Variants in FGD4 observed in about 807,000 individuals in gnomAD.
The protein encoded by FGD4 is FYVE, RhoGEF and PH domain-containing protein 4.
A neutral mutation model predicts 102.0 loss-of-function variants in FGD4; 42 were observed. That is an observed-to-expected ratio of 0.41 (90% CI 0.32 to 0.53). The LOEUF (loss-of-function observed/expected upper bound fraction) is 0.53, where lower values mean the gene tolerates loss of function less well. Ranked by LOEUF, FGD4 falls within the 20% of genes least tolerant of loss-of-function variation. FGD4 has a pLI of 0.21. For synonymous variants in FGD4, 380 were observed against 375.7 expected (o/e 1.01, Z -0.13); for missense variants, 902 against 1,078.2 (o/e 0.84, Z 2.29).
chr12:32,418,356 T>C (rs1941502927), intron 1 of FGD4, among the ~76,000 whole-genome samples: 1 of 152,176 alleles, frequency 6.6e-6, no homozygotes, highest in Non-Finnish European at 1.5e-5. Context: ...AGGTATTTAT[T>C]GTAGTCTTCA....
intron 1 of FGD4, among the ~76,000 whole-genome samples, chr12:32,497,546 C>A (rs1360696109): frequency 6.6e-6 from 1 of 152,078 alleles, no homozygotes; most frequent in African/African-American, 2.4e-5. Context: ...TATGTTTGAT[C>A]CCCGATTAGG....
rs1949121910 is a variant in FGD4, at chr12:32,611,351, C to T, written c.1749+68C>T. 2.5e-6 allele frequency: 4 copies of T among 1,583,810 alleles called. No homozygotes were observed. In the African/African-American group the frequency reaches 5.4e-5, roughly 21 times the overall value. On this transcript the variant is annotated intron_variant, in intron 10 of 16. Transcript: ENST00000534526. ...AAAAATATGGCTGGGCACGGTGGCT[C>T]ATGCCTGTAATCCCAGCACTTTGGG...
At chr12:32,410,805 A>T (rs945920470) in intron 1 of FGD4, among the ~76,000 whole-genome samples, 4 of 152,070 alleles carry the variant, frequency 2.6e-5, no homozygotes, top group Non-Finnish European at 4.4e-5. Context: ...CAAAATGCCA[A>T]ATGTCCACCC....
intron 1 of FGD4, among the ~76,000 whole-genome samples, chr12:32,436,302 T>C (rs1286842764): frequency 6.6e-6 from 1 of 152,256 alleles, no homozygotes; most frequent in Non-Finnish European, 1.5e-5. Flanking sequence ...CAGCCTCCCC[T>C]GTTCCATTTA....
intron 1 of FGD4, among the ~76,000 whole-genome samples, chr12:32,471,001 T>G (rs1288844478): frequency 6.6e-6 from 1 of 152,198 alleles, no homozygotes; most frequent in Non-Finnish European, 1.5e-5. Flanking sequence ...ATATTTGTTA[T>G]TAATGGCTTA....
intron 1 of FGD4, among the ~76,000 whole-genome samples, chr12:32,488,635 T>C (rs1425094404): frequency 6.6e-6 from 1 of 152,160 alleles, no homozygotes; most frequent in Non-Finnish European, 1.5e-5. Context: ...ATCCCAGATA[T>C]ATGTTAATGT....
At chr12:32,577,751 C>CT (rs1315965431) in intron 3 of FGD4, among the ~76,000 whole-genome samples, 2 of 151,828 alleles carry the variant, frequency 1.3e-5, no homozygotes, top group South Asian at 2.1e-4. Flanking sequence ...CCATTTAAAA[C>CT]TTTTTTTTTG....
chr12:32,601,937 T>A (rs1174063303), intron 6 of FGD4, among the ~76,000 whole-genome samples: 1 of 151,916 alleles, frequency 6.6e-6, no homozygotes, highest in Admixed American at 6.6e-5. Context: ...TGACACACTA[T>A]CTCTACAAAA....
At chr12:32,526,648 A>G (rs1001066240) in intron 1 of FGD4, among the ~76,000 whole-genome samples, 7 of 152,186 alleles carry the variant, frequency 4.6e-5, no homozygotes, top group Admixed American at 2.0e-4. Flanking sequence ...CCCCTTCCAC[A>G]CTGTGGGAGC....
intron 1 of FGD4, among the ~76,000 whole-genome samples, chr12:32,405,833 A>G (rs371334256): frequency 1.3e-5 from 2 of 152,176 alleles, no homozygotes; most frequent in Admixed American, 6.5e-5. Context: ...CCAGAATTCA[A>G]TCAATAGTAC....
At chr12:32,580,296 G>C (rs551039640) in intron 3 of FGD4, among the ~76,000 whole-genome samples, 1 of 152,054 alleles carries the variant, frequency 6.6e-6, no homozygotes, top group East Asian at 1.9e-4. Context: ...ATTATTGTAA[G>C]GGGCTTCTTA....
chr12:32,402,756 T>G (rs546902592), intron 1 of FGD4, among the ~76,000 whole-genome samples: 1 of 123,628 alleles, frequency 8.1e-6, no homozygotes, highest in Non-Finnish European at 1.6e-5. Context: ...GAAAAGTAAT[T>G]ATCTTAATAG....
intron 1 of FGD4, among the ~76,000 whole-genome samples, chr12:32,444,734 C>T (rs937756149): frequency 1.3e-5 from 2 of 152,050 alleles, no homozygotes; most frequent in Admixed American, 1.3e-4. Flanking sequence ...AGAATTTTCT[C>T]CTTTCAAAAA....
At chr12:32,493,184 T>C (rs1386747626) in intron 1 of FGD4, among the ~76,000 whole-genome samples, 1 of 152,238 alleles carries the variant, frequency 6.6e-6, no homozygotes. Flanking sequence ...CCTGGCAATA[T>C]AGCAGAGAAA....
rs146217403 is a variant in FGD4, at chr12:32,407,771, A to G, written c.166+7812A>G. On this transcript the variant is annotated intron_variant, in intron 1 of 16. Transcript: ENST00000534526. Reference sequence around the variant, plus strand: ...TACACAATTTTTATCAGACTGGGGTATCTGAGGTGAGCTCAACCGACCTGT... The same window carrying G: ...TACACAATTTTTATCAGACTGGGGTGTCTGAGGTGAGCTCAACCGACCTGT... Among the ~76,000 whole-genome samples the G allele has an allele frequency of 7.3e-3, 1,105 of 152,236 alleles. 10 individuals are homozygous for G. The highest frequency in any genetic ancestry group is 0.011 in the Non-Finnish European group (726 of 68,010).
chr12:32,590,436 G>C (rs183900281), intron 4 of FGD4, among the ~76,000 whole-genome samples: 1 of 151,142 alleles, frequency 6.6e-6, no homozygotes, highest in African/African-American at 2.4e-5. Flanking sequence ...AATAGTTCTT[G>C]AGACCTCATG....
chr12:32,448,996 C>T lies in FGD4; in HGVS notation c.166+49037C>T, dbSNP rs79075068. On this transcript the variant is annotated intron_variant, in intron 1 of 16. Transcript: ENST00000534526. ...GTAACTTAATCATCTTCATAATGCT[C>T]TTGGAGAGATAGACAGTATTAACAT... is the stretch of plus-strand genomic sequence containing the variant. Among the ~76,000 whole-genome samples, 439 of 152,254 alleles carry T rather than the reference C, an allele frequency of 2.9e-3. 4 individuals carry two copies. The highest frequency in any genetic ancestry group is 0.01 in the African/African-American group (418 of 41,524).
chr12:32,432,211 C>A (rs1380954013), intron 1 of FGD4, among the ~76,000 whole-genome samples: 4 of 151,850 alleles, frequency 2.6e-5, no homozygotes, highest in African/African-American at 9.7e-5. Flanking sequence ...AGGCGCCCAC[C>A]ACCATGCCCA....
At chr12:32,444,027 T>C (rs398044910) in intron 1 of FGD4, among the ~76,000 whole-genome samples, 21,511 of 145,328 alleles carry the variant, frequency 0.15, 3,146 homozygotes, top group African/African-American at 0.39. Flanking sequence ...TTTTCTTTTT[T>C]TTTTTTTTTT....
Sources: allele counts gnomAD v4.1 joint callset (sites outside exome capture counted in the v4.1 genomes callset), GRCh38; gene constraint gnomAD v4.1.1; transcripts MANE v1.5; gene names NCBI Gene and HGNC (gene_info 2026-07-23, HGNC 2026-07-21).